Variants in ZNRF2 observed in about 807,000 individuals in gnomAD.
ZNRF2 encodes the protein zinc and ring finger 2.
A neutral mutation model predicts 20.4 loss-of-function variants in ZNRF2; 16 were observed. That is an observed-to-expected ratio of 0.79 (90% CI 0.53 to 1.19). The LOEUF (loss-of-function observed/expected upper bound fraction) is 1.19. Ranked by LOEUF, ZNRF2 falls within the 50% of genes most tolerant of loss-of-function variation. The pLI is 0.00. For synonymous variants in ZNRF2, 178 were observed against 144.9 expected (o/e 1.23, Z -1.64); for missense variants, 363 against 332.4 (o/e 1.09, Z -0.72).
At chr7:30,351,952 A>G (rs1799967671) in intron 2 of ZNRF2, among the ~76,000 whole-genome samples, 1 of 152,044 alleles carries the variant, frequency 6.6e-6, no homozygotes, top group Non-Finnish European at 1.5e-5. Context: ...ATTTGATGAC[A>G]TTGTTCAGGT....
At chr7:30,339,276 A>T (rs1398426868) in intron 2 of ZNRF2, among the ~76,000 whole-genome samples, 2 of 151,928 alleles carry the variant, frequency 1.3e-5, no homozygotes, top group Admixed American at 6.6e-5. Flanking sequence ...GTTTAATTAG[A>T]TCCCATTTGT....
chr7:30,294,676 AG>A (rs1798978872), intron 1 of ZNRF2, among the ~76,000 whole-genome samples: 1 of 151,870 alleles, frequency 6.6e-6, no homozygotes, highest in Non-Finnish European at 1.5e-5. Context: ...CCAGCTTACT[AG>A]GGGGTGCTGA....
At chr7:30,313,753 T>G (rs1195455863) in intron 1 of ZNRF2, among the ~76,000 whole-genome samples, 1 of 152,188 alleles carries the variant, frequency 6.6e-6, no homozygotes, top group East Asian at 1.9e-4. Flanking sequence ...AATAAAAAAC[T>G]ACTTAACCTC....
intron 1 of ZNRF2, among the ~76,000 whole-genome samples, chr7:30,310,874 C>CCTGTT (rs1439335147): frequency 3.3e-5 from 5 of 151,944 alleles, no homozygotes; most frequent in Non-Finnish European, 7.4e-5. Context: ...CCTGTCCTGT[C>CCTGTT]CTGTCCTGTC....
chr7:30,290,699 G>A (rs1489309513), intron 1 of ZNRF2, among the ~76,000 whole-genome samples: 1 of 152,214 alleles, frequency 6.6e-6, no homozygotes, highest in African/African-American at 2.4e-5. Flanking sequence ...TTAAACACCA[G>A]GAAGTGTAGG....
chr7:30,312,406 G>A (rs894665933), intron 1 of ZNRF2, among the ~76,000 whole-genome samples: 4 of 152,172 alleles, frequency 2.6e-5, no homozygotes, highest in Non-Finnish European at 5.9e-5. Context: ...TGTGTGGAAA[G>A]TGAGACATAA....
At chr7:30,358,280 G>T (rs917868952) in intron 3 of ZNRF2, among the ~76,000 whole-genome samples, 4 of 152,136 alleles carry the variant, frequency 2.6e-5, no homozygotes, top group Non-Finnish European at 5.9e-5. Context: ...AAGAAAAAAG[G>T]AAATATCTCT....
chr7:30,351,165 T>C (rs1799956920), intron 2 of ZNRF2, among the ~76,000 whole-genome samples: 1 of 152,006 alleles, frequency 6.6e-6, no homozygotes, highest in Admixed American at 6.6e-5. Flanking sequence ...CAATGCAAAT[T>C]TTAAGAGCTT....
At chr7:30,361,261 AACTGGCTAT>A (rs1222237367) in intron 3 of ZNRF2, among the ~76,000 whole-genome samples, 1 of 152,226 alleles carries the variant, frequency 6.6e-6, no homozygotes, top group Non-Finnish European at 1.5e-5. Flanking sequence ...TCTTAAGCCA[AACTGGCTAT>A]ATATTTCGAG....
At chr7:30,345,189 C>T (rs1373406908) in intron 2 of ZNRF2, among the ~76,000 whole-genome samples, 3 of 148,982 alleles carry the variant, frequency 2.0e-5, no homozygotes, top group South Asian at 2.1e-4. Flanking sequence ...TTCCTTTTCT[C>T]GTTCTCTGTA....
Position 30,285,472 on chromosome 7 carries a change from G to C in ZNRF2, c.115G>C (p.Gly39Arg). The C allele has an allele frequency of 1.8e-6, 2 of 1,108,818 alleles. No individual in the cohort carries two copies. Among genetic ancestry groups the C allele is most frequent in the South Asian group, 5.0e-5 (2 of 40,060 alleles). 68.7% of individuals were successfully genotyped at this position (1,108,818 alleles called of 1,614,324 possible). ...CGCCAATGGGACCGCGGGCGGCGGC[G>C]GGGGCGCTCGGGCCGCCGCCGCGGG... ...GGANGTAGGG[G>R]GARAAAAGRF... The change falls in exon 1 of 5, where the codon GGG becomes CGG. Residue 39 changes from glycine (G) to arginine (R), a missense_variant. Coordinates refer to ENST00000323037, the MANE Select transcript of ZNRF2 (RefSeq NM_147128.4).
chr7:30,362,649 C>T (rs538256510), intron 4 of ZNRF2, among the ~76,000 whole-genome samples, 193 bp downstream of exon 4: 62 of 152,308 alleles, frequency 4.1e-4, no homozygotes, highest in African/African-American at 1.3e-3. Flanking sequence ...TATGCTGGCT[C>T]GCGCCTGTAA....
At position 30,331,254 on chromosome 7, in the gene ZNRF2, T is replaced by A. The variant is rs148836322; in HGVS notation, c.565+7517T>A. ...AATAAGGAGTGAGAGTAAGCAGATA[T>A]GAGAATTATTACCCCTAAGAACTTT... is the stretch of plus-strand genomic sequence containing the variant. On this transcript the variant is annotated intron_variant, in intron 2 of 4. Coordinates refer to ENST00000323037, the MANE Select transcript of ZNRF2 (RefSeq NM_147128.4). Among the ~76,000 whole-genome samples, 6 of 152,228 alleles carry A rather than the reference T, an allele frequency of 3.9e-5. No individual in the cohort carries two copies. In the East Asian group the frequency reaches 9.6e-4, roughly 24 times the overall value.
chr7:30,324,540 C>A (rs1799522461), intron 2 of ZNRF2, among the ~76,000 whole-genome samples: 1 of 148,284 alleles, frequency 6.7e-6, no homozygotes, highest in African/African-American at 2.5e-5. Context: ...CAGAGTGAGA[C>A]TCTGTCTCAA....
intron 3 of ZNRF2, among the ~76,000 whole-genome samples, chr7:30,358,310 C>T (rs1800071769): frequency 6.6e-6 from 1 of 152,018 alleles, no homozygotes; most frequent in African/African-American, 2.4e-5. Flanking sequence ...ACATTAATGT[C>T]AACAGAGACT....
At chr7:30,356,863 G>T (rs943453567) in intron 3 of ZNRF2, among the ~76,000 whole-genome samples, 1 of 151,884 alleles carries the variant, frequency 6.6e-6, no homozygotes, top group Non-Finnish European at 1.5e-5. Context: ...CTGCCACCAT[G>T]CCCGGCTAAT....
At chr7:30,339,598 C>T (rs189835028) in intron 2 of ZNRF2, among the ~76,000 whole-genome samples, 170 of 152,078 alleles carry the variant, frequency 1.1e-3, no homozygotes, top group Non-Finnish European at 1.7e-3. Context: ...ATTTCTGAGG[C>T]CTTTGTTCTG....
chr7:30,325,332 T>G (rs1799535526), intron 2 of ZNRF2, among the ~76,000 whole-genome samples: 2 of 152,214 alleles, frequency 1.3e-5, no homozygotes, highest in Admixed American at 1.3e-4. Context: ...AAAGATTGGC[T>G]AAATTCAACA....
chr7:30,325,905 A>G (rs1024176967), intron 2 of ZNRF2, among the ~76,000 whole-genome samples: 2 of 152,198 alleles, frequency 1.3e-5, no homozygotes, highest in Admixed American at 1.3e-4. Context: ...CTAAAAGTAT[A>G]TGGGTTTGTT....
Sources: gnomAD v4.1 joint callset for allele counts (sites outside exome capture counted in the v4.1 genomes callset) on GRCh38, gnomAD v4.1.1 for gene constraint, MANE v1.5 for transcripts, NCBI Gene and HGNC (gene_info 2026-07-23, HGNC 2026-07-21) for gene names.